Variants in GIN1 observed in about 807,000 individuals in gnomAD.
GIN1 encodes the protein gypsy retrotransposon integrase-like protein 1.
GIN1 carries 41 observed loss-of-function variants against 51.4 expected under a neutral mutation model. The ratio of observed to expected loss-of-function variants is 0.80; its 90% confidence interval spans 0.62 to 1.04. The LOEUF (loss-of-function observed/expected upper bound fraction) is 1.04, where lower values mean the gene tolerates loss of function less well. Ranked by LOEUF, GIN1 falls within the 50% of genes least tolerant of loss-of-function variation. The probability of loss-of-function intolerance (pLI) is 0.00; values close to 1 mark genes in which losing one functional copy is unlikely to be tolerated. For missense variants in GIN1, 610 were observed against 612.4 expected, an observed-to-expected ratio of 1.00 and a Z score of 0.04; for synonymous variants, 222 against 206.5, an observed-to-expected ratio of 1.07 and a Z score of -0.64.
At chr5:103,116,602 T>C (rs1263019730) in intron 1 of GIN1, among the ~76,000 whole-genome samples, 2 of 151,942 alleles carry the variant, frequency 1.3e-5, no homozygotes, top group Non-Finnish European at 2.9e-5. Flanking sequence ...CAGCTATGCA[T>C]AAAGAAAAAA....
At chr5:103,098,356 T>C (rs1366658193) in intron 4 of GIN1, among the ~76,000 whole-genome samples, 1 of 152,232 alleles carries the variant, frequency 6.6e-6, no homozygotes. Context: ...GAGGTATTAT[T>C]AATTTCATTT....
chr5:103,088,258 A>C, intron 7 of GIN1, 86 bp from the exon 8 acceptor site: 2 of 707,952 alleles, frequency 2.8e-6, no homozygotes, highest in East Asian at 2.9e-5. Context: ...GAGGAACAAA[A>C]TCCCAAGTAA....
intron 5 of GIN1, 26 bp downstream of exon 5, chr5:103,097,564 G>A (rs1787440876): frequency 6.5e-7 from 1 of 1,527,358 alleles, no homozygotes; most frequent in South Asian, 1.1e-5. Flanking sequence ...TAACTCAGAA[G>A]TACAGAATTA....
At chr5:103,107,904 A>T (rs1213113634) in intron 2 of GIN1, among the ~76,000 whole-genome samples, 1 of 152,072 alleles carries the variant, frequency 6.6e-6, no homozygotes, top group African/African-American at 2.4e-5. Context: ...TAAGCCTAAG[A>T]GGCAAAATTC....
At chr5:103,117,432 A>G (rs1168434346) in intron 1 of GIN1, among the ~76,000 whole-genome samples, 2 of 152,120 alleles carry the variant, frequency 1.3e-5, no homozygotes, top group Admixed American at 1.3e-4. Context: ...TCAAGGATGG[A>G]CTGCCTATTG....
At chr5:103,103,815 G>C (rs536866103) in intron 4 of GIN1, among the ~76,000 whole-genome samples, 5 of 152,144 alleles carry the variant, frequency 3.3e-5, no homozygotes, top group Admixed American at 2.0e-4. Context: ...TTTGAGACAA[G>C]GTCTCACTCT....
chr5:103,106,898 A>T lies in GIN1; in HGVS notation c.151T>A (p.Phe51Ile), dbSNP rs1251481552. The T allele has an allele frequency of 2.6e-6, 4 of 1,559,542 alleles. No homozygotes were observed. Among genetic ancestry groups the T allele is most frequent in the Non-Finnish European group, 3.5e-6 (4 of 1,152,740 alleles). The change falls in exon 3 of 8, where the codon TTT (phenylalanine) becomes ATT (isoleucine). Residue 51 changes from phenylalanine (F) to isoleucine (I), a missense_variant. Transcript: ENST00000399004. ...KKFVFKEKKL[F>I]YVGKDRKQNR... ...TGTTTTCTGTCTTTTCCAACATAAA[A>T]CAGCTTTTTTTCTGGAATAAATGAT...
intron 7 of GIN1, among the ~76,000 whole-genome samples, chr5:103,094,238 A>G (rs1232378936): frequency 6.6e-6 from 1 of 152,202 alleles, no homozygotes; most frequent in Non-Finnish European, 1.5e-5. Context: ...GAGGAAAAAG[A>G]TGGCAGAAAT....
chr5:103,107,602 A>G (rs1036294053), intron 2 of GIN1, among the ~76,000 whole-genome samples: 6 of 151,912 alleles, frequency 3.9e-5, no homozygotes, highest in Non-Finnish European at 8.8e-5. Context: ...TGAGTGGAAC[A>G]CTCCTTATTT....
intron 7 of GIN1, 91 bp downstream of exon 7, chr5:103,096,449 AC>A: frequency 1.1e-6 from 1 of 944,826 alleles, no homozygotes; most frequent in South Asian, 1.7e-5. Flanking sequence ...GGAAAAGAAA[AC>A]CTAACAAAAG....
At chr5:103,098,514 G>A (rs887777304) in intron 4 of GIN1, among the ~76,000 whole-genome samples, 1 of 151,938 alleles carries the variant, frequency 6.6e-6, no homozygotes, top group Non-Finnish European at 1.5e-5. Flanking sequence ...ACAGGGTCTT[G>A]CTCTGTCGCA....
intron 4 of GIN1, among the ~76,000 whole-genome samples, chr5:103,104,235 G>A (rs1345587501): frequency 1.3e-5 from 2 of 152,134 alleles, no homozygotes; most frequent in African/African-American, 4.8e-5. Flanking sequence ...TTATAGGCAT[G>A]AGCCAGGCCC....
chr5:103,110,197 A>G (rs1787834867), intron 1 of GIN1, among the ~76,000 whole-genome samples: 1 of 131,588 alleles, frequency 7.6e-6, no homozygotes, highest in African/African-American at 2.5e-5. Context: ...CTTAAATAAG[A>G]CACAAAAAAA....
At chr5:103,088,495 A>G (rs782519448) in intron 7 of GIN1, among the ~76,000 whole-genome samples, 1 of 152,188 alleles carries the variant, frequency 6.6e-6, no homozygotes. Context: ...GGTATAGATT[A>G]AAAATAAAAT....
chr5:103,093,736 T>C (rs1194006580), intron 7 of GIN1, among the ~76,000 whole-genome samples: 1 of 152,184 alleles, frequency 6.6e-6, no homozygotes, highest in Admixed American at 6.5e-5. Context: ...GCAAAATCTA[T>C]GTCAGATTAT....
chr5:103,098,419 C>A (rs187166695), intron 4 of GIN1, among the ~76,000 whole-genome samples: 47 of 152,240 alleles, frequency 3.1e-4, no homozygotes, highest in South Asian at 2.1e-3. Flanking sequence ...CAAATACACA[C>A]ATACAACAAG....
chr5:103,091,594 T>C (rs1787239281), intron 7 of GIN1, among the ~76,000 whole-genome samples: 1 of 152,250 alleles, frequency 6.6e-6, no homozygotes, highest in Admixed American at 6.5e-5. Context: ...AATAAGTCTT[T>C]AGTTTCTTTG....
intron 7 of GIN1, among the ~76,000 whole-genome samples, chr5:103,092,005 A>G (rs1382943009): frequency 6.6e-6 from 1 of 151,292 alleles, no homozygotes; most frequent in African/African-American, 2.4e-5. Context: ...AGCCTGTGTG[A>G]TAATAGTTGA....
At chr5:103,092,487 T>C (rs950477475) in intron 7 of GIN1, among the ~76,000 whole-genome samples, 1 of 152,158 alleles carries the variant, frequency 6.6e-6, no homozygotes, top group South Asian at 2.1e-4. Context: ...GAGAAGTGAC[T>C]AAACTAATCC....
Sources: gnomAD v4.1 joint callset for allele counts (sites outside exome capture counted in the v4.1 genomes callset) on GRCh38, gnomAD v4.1.1 for gene constraint, MANE v1.5 for transcripts, NCBI Gene and HGNC (gene_info 2026-07-23, HGNC 2026-07-21) for gene names.